BAZ2B: variants seen among roughly 807,000 people sequenced by gnomAD.
BAZ2B encodes the protein bromodomain adjacent to zinc finger domain protein 2B.
Under a neutral mutation model 246.0 loss-of-function variants are expected in BAZ2B, and 91 were observed. That is an observed-to-expected ratio of 0.37 (90% CI 0.31 to 0.44). The LOEUF is 0.44. Ranked by LOEUF, BAZ2B falls within the 20% of genes least tolerant of loss-of-function variation. The pLI is 1.00. For synonymous variants in BAZ2B, 855 were observed against 860.0 expected, an observed-to-expected ratio of 0.99 and a Z score of 0.10; for missense variants, 2,332 against 2,533.7, an observed-to-expected ratio of 0.92 and a Z score of 1.71.
intron 31 of BAZ2B, among the ~76,000 whole-genome samples, chr2:159,346,952 T>C (rs1437058013): frequency 6.6e-6 from 1 of 152,168 alleles, no homozygotes; most frequent in African/African-American, 2.4e-5. Context: ...ATGTAGGGTA[T>C]GTGTGCATGT....
chr2:159,481,644 G>C (rs2079241909), intron 2 of BAZ2B, among the ~76,000 whole-genome samples: 1 of 151,888 alleles, frequency 6.6e-6, no homozygotes, highest in Non-Finnish European at 1.5e-5. Flanking sequence ...TGATGCCCCA[G>C]AAGAGTCCAT....
intron 2 of BAZ2B, among the ~76,000 whole-genome samples, chr2:159,511,606 T>C (rs2082933457): frequency 6.6e-6 from 1 of 152,224 alleles, no homozygotes; most frequent in Admixed American, 6.5e-5. Context: ...AATTTTTTTC[T>C]GATCAACCAG....
intron 1 of BAZ2B, among the ~76,000 whole-genome samples, chr2:159,557,354 T>C (rs969241233): frequency 3.3e-5 from 5 of 152,032 alleles, no homozygotes; most frequent in Admixed American, 3.3e-4. Flanking sequence ...CTCAAAATTG[T>C]ACAATGGCTT....
At chr2:159,504,609 T>C (rs1444430738) in intron 2 of BAZ2B, among the ~76,000 whole-genome samples, 1 of 152,208 alleles carries the variant, frequency 6.6e-6, no homozygotes, top group Non-Finnish European at 1.5e-5. Flanking sequence ...GGCAGGGAGT[T>C]AGGCACCACT....
chr2:159,656,147 T>C, the BAZ2B span, among the ~76,000 whole-genome samples: 18 of 152,354 alleles, frequency 1.2e-4, no homozygotes, highest in Middle Eastern at 6.8e-3. Context: ...TCATGCAGTG[T>C]GTAGCTACTG....
At chr2:159,392,365 C>T (rs1013136283) in intron 20 of BAZ2B, among the ~76,000 whole-genome samples, 7 of 151,066 alleles carry the variant, frequency 4.6e-5, no homozygotes, top group Admixed American at 2.0e-4. Context: ...TTTTTTTTAT[C>T]GTTCCCACAA....
chr2:159,608,828 T>C (rs1253121789), intron 1 of BAZ2B, among the ~76,000 whole-genome samples: 1 of 152,172 alleles, frequency 6.6e-6, no homozygotes, highest in Non-Finnish European at 1.5e-5. Flanking sequence ...CCATATATTC[T>C]GTTATATTAC....
chr2:159,533,062 T>C (rs1057308167), intron 2 of BAZ2B, among the ~76,000 whole-genome samples: 1 of 152,148 alleles, frequency 6.6e-6, no homozygotes, highest in African/African-American at 2.4e-5. Context: ...TAAATTAATA[T>C]GGCAATCTAA....
chr2:159,694,003 C>T, the BAZ2B span: 1 of 152,118 alleles, frequency 6.6e-6, no homozygotes, highest in Non-Finnish European at 1.5e-5. Flanking sequence ...TGTCTCCCTC[C>T]CCAACTAAAT....
At chr2:159,327,643 G>T (rs2148845671) in intron 34 of BAZ2B, among the ~76,000 whole-genome samples, 2 of 152,298 alleles carry the variant, frequency 1.3e-5, no homozygotes, top group Non-Finnish European at 2.9e-5. Context: ...TGACAAGTTA[G>T]ATTAAATAAC....
intron 20 of BAZ2B, among the ~76,000 whole-genome samples, chr2:159,393,954 T>G (rs1408404710): frequency 6.6e-6 from 1 of 152,162 alleles, no homozygotes; most frequent in African/African-American, 2.4e-5. Context: ...TTGGGGTGCC[T>G]CTTTCACCTG....
At chr2:159,651,340 A>C in the BAZ2B span, among the ~76,000 whole-genome samples, 1 of 152,138 alleles carries the variant, frequency 6.6e-6, no homozygotes, top group Non-Finnish European at 1.5e-5. Flanking sequence ...TTTTTCAAGG[A>C]CCAGAACTGA....
chr2:159,547,469 A>T (rs2151422504), intron 2 of BAZ2B, among the ~76,000 whole-genome samples: 1 of 152,294 alleles, frequency 6.6e-6, no homozygotes, highest in Non-Finnish European at 1.5e-5. Flanking sequence ...ATAAACCCAT[A>T]ACTCAGTGTA....
the BAZ2B span, among the ~76,000 whole-genome samples, chr2:159,654,696 C>T: frequency 2.0e-5 from 3 of 152,078 alleles, no homozygotes; most frequent in African/African-American, 7.2e-5. Context: ...AACTACAGGC[C>T]GGGCATGGTG....
At chr2:159,626,426 A>G in the BAZ2B span, among the ~76,000 whole-genome samples, 1 of 152,150 alleles carries the variant, frequency 6.6e-6, no homozygotes, top group Non-Finnish European at 1.5e-5. Flanking sequence ...ATAAGACGTA[A>G]AACACTCCTC....
At chr2:159,567,239 A>C (rs369721495) in intron 1 of BAZ2B, among the ~76,000 whole-genome samples, 1 of 152,046 alleles carries the variant, frequency 6.6e-6, no homozygotes, top group Non-Finnish European at 1.5e-5. Flanking sequence ...TCAAAGAAAA[A>C]AAGAAAAAAA....
intron 5 of BAZ2B, among the ~76,000 whole-genome samples, chr2:159,447,973 T>C (rs1309451283): frequency 6.6e-6 from 1 of 151,686 alleles, no homozygotes; most frequent in Middle Eastern, 3.2e-3. Flanking sequence ...AAAAATAAAA[T>C]TTAAACACGT....
chr2:159,512,539 G>A (rs2083039689), intron 2 of BAZ2B, among the ~76,000 whole-genome samples: 1 of 152,108 alleles, frequency 6.6e-6, no homozygotes, highest in Non-Finnish European at 1.5e-5. Context: ...AATAAAGACG[G>A]TCTCTAAGCT....
At chr2:159,435,212 T>C (rs2071987057) in intron 8 of BAZ2B, 1 of 151,764 alleles carries the variant, frequency 6.6e-6, no homozygotes, top group African/African-American at 2.4e-5. Flanking sequence ...ATTATTATTT[T>C]TTTGGACTCT....
Sources: allele counts gnomAD v4.1 joint callset (sites outside exome capture counted in the v4.1 genomes callset), GRCh38; gene constraint gnomAD v4.1.1; transcripts MANE v1.5; gene names NCBI Gene and HGNC (gene_info 2026-07-23, HGNC 2026-07-21).